Variants in SORCS1 observed in about 807,000 individuals in gnomAD.
SORCS1 encodes sortilin related VPS10 domain containing receptor 1.
In SORCS1, 60 loss-of-function variants were observed where a neutral mutation model predicts 146.1. The ratio of observed to expected loss-of-function variants is 0.41; its 90% CI spans 0.33 to 0.51. The LOEUF is 0.51. SORCS1 is among the 20% of genes least tolerant of loss of function. The probability of loss-of-function intolerance (pLI) is 0.21; values close to 1 mark genes in which losing one functional copy is unlikely to be tolerated. For missense variants in SORCS1, 1,352 were observed against 1,487.6 expected (o/e 0.91, Z 1.50); for synonymous variants, 637 against 584.0 (o/e 1.09, Z -1.31).
chr10:106,894,898 T>C (rs1055478329), intron 2 of SORCS1, among the ~76,000 whole-genome samples: 1 of 152,218 alleles, frequency 6.6e-6, no homozygotes, highest in African/African-American at 2.4e-5. Flanking sequence ...ACTGACGGAA[T>C]GGGGATAATG....
chr10:106,881,013 C>T (rs978601001), intron 2 of SORCS1, among the ~76,000 whole-genome samples: 1 of 136,606 alleles, frequency 7.3e-6, no homozygotes, highest in Non-Finnish European at 1.5e-5. Flanking sequence ...GGAGGTGGAG[C>T]TTTCAGTGAG....
chr10:106,958,988 T>A (rs1055815348), intron 1 of SORCS1, among the ~76,000 whole-genome samples: 1 of 152,082 alleles, frequency 6.6e-6, no homozygotes, highest in African/African-American at 2.4e-5. Context: ...GCTCTCCTGA[T>A]ACAAGACCGC....
chr10:106,966,161 T>C (rs1370588468), intron 1 of SORCS1, among the ~76,000 whole-genome samples: 1 of 152,190 alleles, frequency 6.6e-6, no homozygotes, highest in Non-Finnish European at 1.5e-5. Flanking sequence ...AGTGAATGCA[T>C]AATTACACTC....
intron 1 of SORCS1, among the ~76,000 whole-genome samples, chr10:107,095,585 T>G (rs1319229358): frequency 6.6e-6 from 1 of 152,182 alleles, no homozygotes; most frequent in African/African-American, 2.4e-5. Flanking sequence ...ATTCCTTCCT[T>G]AAGCAGAAAT....
chr10:107,049,660 T>C (rs926804589), intron 1 of SORCS1, among the ~76,000 whole-genome samples: 2 of 152,166 alleles, frequency 1.3e-5, no homozygotes, highest in Non-Finnish European at 2.9e-5. Context: ...TTATTCAGGT[T>C]TGGGCAACGA....
intron 1 of SORCS1, among the ~76,000 whole-genome samples, chr10:107,102,164 G>C (rs546105659): frequency 6.6e-6 from 1 of 152,264 alleles, no homozygotes; most frequent in African/African-American, 2.4e-5. Flanking sequence ...ATGAACAAAT[G>C]CATGTTTAAT....
chr10:107,062,871 CTGTTT>C (rs1961364637), intron 1 of SORCS1, among the ~76,000 whole-genome samples: 2 of 152,096 alleles, frequency 1.3e-5, no homozygotes, highest in South Asian at 4.1e-4. Flanking sequence ...TTTCAGTCTG[CTGTTT>C]TGTTTTTGTT....
chr10:107,035,955 T>G (rs573500207), intron 1 of SORCS1, among the ~76,000 whole-genome samples: 70 of 149,428 alleles, frequency 4.7e-4, no homozygotes, highest in African/African-American at 1.6e-3. Context: ...TATATATAGT[T>G]TGTAAACAAT....
intron 24 of SORCS1, among the ~76,000 whole-genome samples, chr10:106,583,521 T>C (rs930840566): frequency 6.6e-6 from 1 of 151,912 alleles, no homozygotes; most frequent in Non-Finnish European, 1.5e-5. Context: ...TTTTGTTTTG[T>C]TTTTAGATGA....
intron 2 of SORCS1, among the ~76,000 whole-genome samples, chr10:106,931,274 C>T (rs573520271): frequency 6.6e-6 from 1 of 152,318 alleles, no homozygotes; most frequent in South Asian, 2.1e-4. Context: ...GATAAGCCTA[C>T]TTAATGTACA....
At position 107,071,617 on chromosome 10, in the gene SORCS1, T is replaced by A. The variant is rs554720380; in HGVS notation, c.558+92352A>T. Among the ~76,000 whole-genome samples the A allele has an allele frequency of 8.3e-4, 126 of 152,332 alleles. 1 individual carries two copies. The highest frequency in any genetic ancestry group is 5.9e-4 in the Non-Finnish European group (40 of 68,018). ...CACCACATCCCTGGAAAATCATCCC[T>A]CTAGATTAATCTACTTCCTTGGATC... is the stretch of plus-strand genomic sequence containing the variant. On this transcript the variant is annotated intron_variant, in intron 1 of 25. Coordinates refer to ENST00000263054, the MANE Select transcript of SORCS1 (RefSeq NM_052918.5).
intron 4 of SORCS1, among the ~76,000 whole-genome samples, chr10:106,761,888 T>A (rs566290792): frequency 2.3e-4 from 35 of 152,358 alleles, no homozygotes; most frequent in African/African-American, 7.9e-4. Context: ...TTAGAAGGAT[T>A]AACCGACTTG....
chr10:106,606,278 C>T (rs903183272), intron 23 of SORCS1, among the ~76,000 whole-genome samples: 108 of 13,210 alleles, frequency 8.2e-3, no homozygotes, highest in African/African-American at 0.013. Context: ...CAGATATACA[C>T]ACACACACAC....
chr10:107,008,922 G>A (rs576063302), intron 1 of SORCS1, among the ~76,000 whole-genome samples: 7 of 152,222 alleles, frequency 4.6e-5, no homozygotes, highest in East Asian at 1.9e-4. Context: ...ACTTGAATCC[G>A]AGAGGTGGAG....
chr10:106,901,345 GA>G (rs1319856882), intron 2 of SORCS1, among the ~76,000 whole-genome samples: 1 of 152,194 alleles, frequency 6.6e-6, no homozygotes, highest in Non-Finnish European at 1.5e-5. Context: ...AGCTACGTAA[GA>G]GACAGAAATT....
At position 107,164,417 on chromosome 10, in the gene SORCS1, CAGGA is replaced by C; in HGVS notation, c.106_109del (p.Ser36AlafsTer37). The C allele has an allele frequency of 7.1e-7, 1 of 1,412,634 alleles. No individual in the cohort carries two copies. The highest frequency in any genetic ancestry group is 9.2e-7 in the Non-Finnish European group (1 of 1,088,776). 87.5% of individuals were successfully genotyped at this position (1,412,634 alleles called of 1,614,324 possible). Reference sequence around the variant, plus strand: ...GGAGCTGGGGTGCGGCGAGGGGCAGCAGGAGCCGCCGCCGCAGACGCCCGGGGCG... The same window carrying C: ...GGAGCTGGGGTGCGGCGAGGGGCAGCGCCGCCGCCGCAGACGCCCGGGGCG... On this transcript the variant is annotated frameshift_variant, in exon 1 of 26. Coordinates refer to ENST00000263054, the MANE Select transcript of SORCS1 (RefSeq NM_052918.5). LOFTEE classifies it high-confidence loss of function. The surrounding 1 kb of genome is among the most constrained non-coding windows in gnomAD (Gnocchi z 6.8).
At chr10:106,629,173 G>A in intron 19 of SORCS1, 29 bp downstream of exon 19, 2 of 1,589,902 alleles carry the variant, frequency 1.3e-6, no homozygotes, top group Non-Finnish European at 8.6e-7. Context: ...TTTAAGATAG[G>A]TCATAAACCA....
the SORCS1 span, among the ~76,000 whole-genome samples, chr10:107,172,070 A>T: frequency 1.3e-4 from 20 of 152,352 alleles, no homozygotes; most frequent in African/African-American, 4.3e-4. Flanking sequence ...CTAAGAAGTC[A>T]ATCAGTTCAT....
chr10:106,593,925 A>C (rs1045896517), intron 24 of SORCS1, among the ~76,000 whole-genome samples: 5 of 152,170 alleles, frequency 3.3e-5, no homozygotes, highest in African/African-American at 1.2e-4. Flanking sequence ...CCTGCTTCCG[A>C]AACTCCTAGT....
Sources: allele counts gnomAD v4.1 joint callset (sites outside exome capture counted in the v4.1 genomes callset), GRCh38; gene constraint gnomAD v4.1.1; non-coding constraint Gnocchi (gnomAD v3.1); transcripts MANE v1.5; gene names NCBI Gene and HGNC (gene_info 2026-07-23, HGNC 2026-07-21).